CAPN14: variants seen among roughly 807,000 people sequenced by gnomAD.
The protein encoded by CAPN14 is calpain-14.
Under a neutral mutation model 101.3 loss-of-function variants are expected in CAPN14, and 94 were observed. The observed-to-expected ratio is 0.93, with a 90% CI of 0.79 to 1.10. CAPN14 has a LOEUF of 1.10. Among genes scored for constraint, CAPN14 ranks in the 50% least tolerant of loss-of-function variants. The pLI, the probability that CAPN14 is intolerant of heterozygous loss-of-function variation, is 0.00. For synonymous variants in CAPN14, 338 were observed against 317.9 expected, an observed-to-expected ratio of 1.06 and a Z score of -0.67; for missense variants, 837 against 828.4, an observed-to-expected ratio of 1.01 and a Z score of -0.13.
At chr2:31,207,640 G>A (rs139528329) in intron 1 of CAPN14, among the ~76,000 whole-genome samples, 7 of 152,174 alleles carry the variant, frequency 4.6e-5, no homozygotes, top group East Asian at 1.9e-4. Context: ...GGTGATGTAT[G>A]ACTGTAATCT....
intron 1 of CAPN14, among the ~76,000 whole-genome samples, chr2:31,209,754 G>A (rs189778597): frequency 0.036 from 5,434 of 152,270 alleles, 108 homozygotes; most frequent in Non-Finnish European, 0.043. Flanking sequence ...ACAGGAGCCA[G>A]CTGTGCACAT....
chr2:31,190,933 C>T (rs898212332), intron 12 of CAPN14, among the ~76,000 whole-genome samples: 2 of 152,202 alleles, frequency 1.3e-5, no homozygotes, highest in Non-Finnish European at 2.9e-5. Flanking sequence ...TGTCCCTCTG[C>T]TCATGCTCCT....
At chr2:31,203,469 C>G (rs955187996) in intron 2 of CAPN14, among the ~76,000 whole-genome samples, 3 of 152,138 alleles carry the variant, frequency 2.0e-5, no homozygotes, top group African/African-American at 7.2e-5. Context: ...TCCTAGATAT[C>G]TTCTCTTTCG....
At chr2:31,186,705 A>G (rs1282949946) in intron 15 of CAPN14, among the ~76,000 whole-genome samples, 1 of 152,216 alleles carries the variant, frequency 6.6e-6, no homozygotes, top group Non-Finnish European at 1.5e-5. Context: ...AGTTTAGCCA[A>G]CAATTTGGTT....
intron 17 of CAPN14, among the ~76,000 whole-genome samples, chr2:31,180,025 T>C (rs1680508672): frequency 6.6e-6 from 1 of 152,222 alleles, no homozygotes; most frequent in Admixed American, 6.5e-5. Context: ...TACATTTTTT[T>C]AAGTTTAATG....
intron 1 of CAPN14, among the ~76,000 whole-genome samples, chr2:31,206,343 C>T (rs945884331): frequency 1.3e-5 from 2 of 152,182 alleles, no homozygotes; most frequent in African/African-American, 4.8e-5. Flanking sequence ...CGGTCACAGG[C>T]TCTGGCAGGG....
intron 1 of CAPN14, among the ~76,000 whole-genome samples, chr2:31,208,956 T>C (rs900882854): frequency 6.6e-6 from 1 of 152,082 alleles, no homozygotes; most frequent in African/African-American, 2.4e-5. Context: ...CTGCAGTGTT[T>C]TGCATGTCAG....
Position 31,177,037 on chromosome 2 carries a change from T to C in CAPN14, c.1961A>G (p.Glu654Gly), listed in dbSNP as rs991496159. ...VSFIHLMLRV[E>G]NMEDVFQNLT... is the part of the protein sequence containing the mutation. The stretch of plus-strand genomic sequence containing the variant: ...TCCCGCCAGCTTACCCTCCATGTTC[T>C]CTACACGCAGCATCAAGTGGATGAA... The change falls in exon 20 of 22, where the codon GAG becomes GGG. Residue 654 changes from glutamate (E) to glycine (G), a missense_variant. Coordinates refer to ENST00000403897, the MANE Select transcript of CAPN14 (RefSeq NM_001145122.2). The C allele has an allele frequency of 6.4e-7, 1 of 1,551,054 alleles. No homozygotes were observed. The highest frequency in any genetic ancestry group is 1.4e-5 in the African/African-American group (1 of 73,058).
chr2:31,184,452 C>T (rs187065917), intron 16 of CAPN14, among the ~76,000 whole-genome samples: 70 of 152,340 alleles, frequency 4.6e-4, no homozygotes, highest in African/African-American at 1.6e-3. Flanking sequence ...TTTTCTGAGC[C>T]CTACATTTTG....
intron 1 of CAPN14, among the ~76,000 whole-genome samples, chr2:31,229,320 T>A (rs939403152): frequency 2.0e-4 from 30 of 152,148 alleles, no homozygotes; most frequent in Non-Finnish European, 2.6e-4. Flanking sequence ...TTAAGTTTTT[T>A]AAAAATATAA....
chr2:31,200,738 C>T (rs780069165), intron 5 of CAPN14, 113 bp from the exon 6 acceptor site: 6 of 1,036,528 alleles, frequency 5.8e-6, no homozygotes, highest in Non-Finnish European at 8.2e-6. Context: ...ATACCAAAAG[C>T]AGAGCTCAGG....
intron 16 of CAPN14, among the ~76,000 whole-genome samples, chr2:31,185,431 A>G (rs59788807): frequency 0.33 from 50,777 of 152,096 alleles, 10,050 homozygotes; most frequent in African/African-American, 0.55. Context: ...TGATTTATCC[A>G]TCTAGAACCC....
intron 7 of CAPN14, among the ~76,000 whole-genome samples, chr2:31,198,401 T>C (rs998910905): frequency 1.3e-5 from 2 of 152,234 alleles, no homozygotes; most frequent in African/African-American, 2.4e-5. Context: ...CCTGAGACTG[T>C]GTTACAGGCG....
At chr2:31,232,998 A>G (rs1056031260) in intron 1 of CAPN14, among the ~76,000 whole-genome samples, 1 of 152,182 alleles carries the variant, frequency 6.6e-6, no homozygotes, top group African/African-American at 2.4e-5. Flanking sequence ...CAGCAAGTTT[A>G]TTATTGGGTT....
intron 12 of CAPN14, chr2:31,189,787 G>C (rs1473897447): frequency 4.1e-6 from 2 of 484,554 alleles, no homozygotes; most frequent in Non-Finnish European, 8.1e-6. Flanking sequence ...TTATGGCTGA[G>C]GGCTCTGAGG....
Position 31,205,500 on chromosome 2 carries a change from C to G in CAPN14, c.-52-1G>C, listed in dbSNP as rs1238741472. On this transcript the variant is annotated splice_acceptor_variant, in intron 1 of 21. Coordinates refer to ENST00000403897, the MANE Select transcript of CAPN14 (RefSeq NM_001145122.2). LOFTEE classifies it low-confidence loss of function (5UTR_SPLICE). ...TCTTCCTGAGGAGTCTCTGCTGCTC[C>G]TGAAATGGAGAGAGGACGGTCAGTT... 1 of 1,407,736 alleles carries G rather than the reference C, an allele frequency of 7.1e-7. No individual in the cohort carries two copies. The highest frequency in any genetic ancestry group is 9.8e-7 in the Non-Finnish European group (1 of 1,016,968). 87.2% of individuals were successfully genotyped at this position (1,407,736 alleles called of 1,614,324 possible).
intron 1 of CAPN14, among the ~76,000 whole-genome samples, chr2:31,214,547 G>A (rs372880460): frequency 7.9e-5 from 12 of 152,150 alleles, no homozygotes; most frequent in African/African-American, 2.9e-4. Flanking sequence ...GAGAAGGTGG[G>A]GGAGAAGCGG....
intron 1 of CAPN14, among the ~76,000 whole-genome samples, chr2:31,229,815 G>C (rs1460872529): frequency 6.6e-6 from 1 of 151,990 alleles, no homozygotes; most frequent in Non-Finnish European, 1.5e-5. Context: ...TTCCTGACTA[G>C]TGTTTTATGT....
In CAPN14 at chr2:31,193,153, A is replaced by T; in HGVS notation, c.1092T>A (p.Gly364=). The T allele has an allele frequency of 6.4e-7, 1 of 1,550,710 alleles. No individual in the cohort carries two copies. The highest frequency in any genetic ancestry group is 8.7e-7 in the Non-Finnish European group (1 of 1,146,890). The change falls in exon 10 of 22, where the codon GGT becomes GGA. Residue 364 remains glycine, a synonymous_variant. Coordinates refer to ENST00000403897, the MANE Select transcript of CAPN14 (RefSeq NM_001145122.2). The stretch of plus-strand genomic sequence containing the variant: ...CACCCTGCAGCAACTGCCTCTGGCC[A>T]CCAGCTGTGCTCCGCTTCTCCCATC... ...EGRWEKRSTA[G]GQRQLLQDTF...
Sources: allele counts gnomAD v4.1 joint callset (sites outside exome capture counted in the v4.1 genomes callset), GRCh38; gene constraint gnomAD v4.1.1; transcripts MANE v1.5; gene names NCBI Gene and HGNC (gene_info 2026-07-23, HGNC 2026-07-21).